The following E2F5 variants were observed in gnomAD, a reference collection of about 807,000 sequenced individuals.
The protein encoded by E2F5 is E2F transcription factor 5, also known as transcription factor E2F5.
In E2F5, 23 loss-of-function variants were observed where a neutral mutation model predicts 39.1. The observed-to-expected ratio is 0.59, with a 90% confidence interval of 0.42 to 0.83. The LOEUF (loss-of-function observed/expected upper bound fraction) is 0.83, where lower values mean the gene tolerates loss of function less well. Ranked by LOEUF, E2F5 falls within the 40% of genes least tolerant of loss-of-function variation. E2F5 has a pLI of 0.00. For missense variants in E2F5, 365 were observed against 406.7 expected, an observed-to-expected ratio of 0.90 and a Z score of 0.88; for synonymous variants, 145 against 157.8, an observed-to-expected ratio of 0.92 and a Z score of 0.61.
intron 3 of E2F5, among the ~76,000 whole-genome samples, chr8:85,203,515 T>C (rs1260467458): frequency 6.6e-6 from 1 of 152,104 alleles, no homozygotes; most frequent in African/African-American, 2.4e-5. Context: ...GGTCTACCAA[T>C]TGATAGAATG....
intron 1 of E2F5, among the ~76,000 whole-genome samples, chr8:85,182,894 G>T (rs181007702): frequency 6.6e-6 from 1 of 152,120 alleles, no homozygotes; most frequent in East Asian, 1.9e-4. Flanking sequence ...TATCTGACAG[G>T]TCCCTGATGC....
chr8:85,197,865 G>C (rs1205670595), intron 1 of E2F5, among the ~76,000 whole-genome samples: 1 of 152,196 alleles, frequency 6.6e-6, no homozygotes, highest in Non-Finnish European at 1.5e-5. Flanking sequence ...AGGGCTGGAG[G>C]AAAATGCAAA....
intron 1 of E2F5, among the ~76,000 whole-genome samples, chr8:85,180,477 CACTTG>C (rs1812180194): frequency 7.4e-6 from 1 of 134,722 alleles, no homozygotes; most frequent in Admixed American, 8.2e-5. Flanking sequence ...TTAAGTTATA[CACTTG>C]ACTTTTAAAC....
At chr8:85,192,967 T>G (rs921290927) in intron 1 of E2F5, among the ~76,000 whole-genome samples, 2 of 152,178 alleles carry the variant, frequency 1.3e-5, no homozygotes, top group African/African-American at 2.4e-5. Context: ...TCAAAATGAG[T>G]TTTTATTTTT....
At chr8:85,209,977 A>G (rs1319303929) in intron 6 of E2F5, among the ~76,000 whole-genome samples, 1 of 152,212 alleles carries the variant, frequency 6.6e-6, no homozygotes, top group Non-Finnish European at 1.5e-5. Flanking sequence ...AGGAAATCTT[A>G]CTTTCCTCAT....
intron 1 of E2F5, among the ~76,000 whole-genome samples, chr8:85,196,119 G>T (rs1812573586): frequency 1.3e-5 from 2 of 152,170 alleles, no homozygotes; most frequent in African/African-American, 4.8e-5. Flanking sequence ...AGATTTCCTT[G>T]TGGTAGAGTA....
chr8:85,189,129 T>C (rs1001074150), intron 1 of E2F5, among the ~76,000 whole-genome samples: 20 of 152,162 alleles, frequency 1.3e-4, no homozygotes, highest in Admixed American at 6.6e-5. Flanking sequence ...TATGAGTAAG[T>C]TTCCTCTTAC....
chr8:85,212,321 T>C lies in E2F5; in HGVS notation c.931+117T>C. 13 of 717,022 alleles carry C rather than the reference T, an allele frequency of 1.8e-5. No individual in the cohort carries two copies. In the South Asian group the frequency reaches 2.1e-4, roughly 12 times the overall value. 44.4% of individuals were successfully genotyped at this position (717,022 alleles called of 1,614,324 possible). On this transcript the variant is annotated intron_variant, in intron 7 of 7. Coordinates refer to ENST00000416274, the MANE Select transcript of E2F5 (RefSeq NM_001951.4). ...TTTGCTACCTGCTTTACTATGAAGATTCATGAAAATTCTCCCTTAACACTT... is the reference window on the plus strand; with the variant it reads ...TTTGCTACCTGCTTTACTATGAAGACTCATGAAAATTCTCCCTTAACACTT...
rs4150866 is a variant in E2F5, at chr8:85,186,808, T to A, written c.234+9154T>A. On this transcript the variant is annotated intron_variant, in intron 1 of 7. Transcript: ENST00000416274. The stretch of plus-strand genomic sequence containing the variant: ...AAGGTGTATATATATGATATGTATA[T>A]ATAAGGTGTATATATATGGTATATA... Among the ~76,000 whole-genome samples, 932 of 148,136 alleles carry A rather than the reference T, an allele frequency of 6.3e-3. 13 individuals carry two copies. The highest frequency in any genetic ancestry group is 0.051 in the South Asian group (240 of 4,740).
intron 1 of E2F5, among the ~76,000 whole-genome samples, chr8:85,180,031 T>C (rs984433393): frequency 8.0e-5 from 12 of 149,786 alleles, no homozygotes; most frequent in African/African-American, 2.7e-4. Flanking sequence ...GTTAAAGCCT[T>C]TTTTTTTTGA....
rs982156768 is a variant in E2F5 at position 85,184,981 on chromosome 8, A to G, written c.234+7327A>G. On this transcript the variant is annotated intron_variant, in intron 1 of 7. Coordinates refer to ENST00000416274, the MANE Select transcript of E2F5 (RefSeq NM_001951.4). The stretch of plus-strand genomic sequence containing the variant: ...CAATGCTATCCCTATCAAGCTACCA[A>G]TGACTTTCTTCACAGAATTGGAAAA... 1.6e-4 allele frequency among the ~76,000 whole-genome samples: 24 copies of G among 152,314 alleles called. No homozygotes were observed. In the South Asian group the frequency reaches 4.8e-3, roughly 30 times the overall value.
At chr8:85,204,554 A>AG (rs1304570044) in intron 3 of E2F5, among the ~76,000 whole-genome samples, 1 of 57,032 alleles carries the variant, frequency 1.8e-5, no homozygotes, top group Admixed American at 2.5e-4. Context: ...GGGTGGGGGG[A>AG]GGGGGGAGGG....
intron 7 of E2F5, chr8:85,213,052 C>G (rs1812976608): frequency 6.6e-6 from 1 of 151,654 alleles, no homozygotes; most frequent in Non-Finnish European, 1.5e-5. Context: ...CACCTGCCAC[C>G]ACACCTGGCT....
chr8:85,212,819 G>A (rs1812966026), intron 7 of E2F5: 1 of 151,378 alleles, frequency 6.6e-6, no homozygotes, highest in African/African-American at 2.4e-5. Flanking sequence ...GAGAACATCA[G>A]CAAACTTTGT....
chr8:85,187,703 C>T (rs146650102), intron 1 of E2F5: 140 of 152,236 alleles, frequency 9.2e-4, no homozygotes, highest in African/African-American at 3.1e-3. Context: ...CTCTTATAGG[C>T]AGCATAAGTT....
intron 1 of E2F5, among the ~76,000 whole-genome samples, chr8:85,184,023 G>C (rs539531220): frequency 6.6e-6 from 1 of 152,230 alleles, no homozygotes; most frequent in East Asian, 1.9e-4. Context: ...GTGATCATCT[G>C]TAAGCCAAGG....
At chr8:85,210,753 G>A (rs1328062588) in intron 6 of E2F5, among the ~76,000 whole-genome samples, 2 of 151,850 alleles carry the variant, frequency 1.3e-5, no homozygotes, top group Non-Finnish European at 2.9e-5. Context: ...AGCTTTACAT[G>A]GGTTTTACCT....
chr8:85,202,157 C>T lies in E2F5; in HGVS notation c.245C>T (p.Thr82Ile), dbSNP rs765175136. The T allele has an allele frequency of 8.7e-6, 14 of 1,612,456 alleles. No individual in the cohort carries two copies. The highest frequency in any genetic ancestry group is 1.3e-5 in the African/African-American group (1 of 74,986). Residue 82 changes from threonine to isoleucine, a missense_variant, in exon 2 of 8, where the codon ACT becomes ATT. By Grantham distance (89) the Thr-to-Ile change is moderately conservative (BLOSUM62 -1). Transcript: ENST00000416274. ...GVLDLKAAAD[T>I]LAVRQKRRIY... ...GTCTTTCCTGAACAGGCTGCTGATA[C>T]TTTGGCTGTGAGGCAAAAAAGGAGA...
At chr8:85,197,957 C>G (rs1812615401) in intron 1 of E2F5, among the ~76,000 whole-genome samples, 1 of 152,162 alleles carries the variant, frequency 6.6e-6, no homozygotes, top group Admixed American at 6.5e-5. Context: ...TCCTTCCATG[C>G]TACCTATTGT....
Sources: gnomAD v4.1 joint callset for allele counts (sites outside exome capture counted in the v4.1 genomes callset) on GRCh38, gnomAD v4.1.1 for gene constraint, MANE v1.5 for transcripts, NCBI Gene and HGNC (gene_info 2026-07-23, HGNC 2026-07-21) for gene names.